Variants in FAM110B observed in about 807,000 individuals in gnomAD.
FAM110B encodes the protein protein FAM110B.
In FAM110B, 6 loss-of-function variants were observed where a neutral mutation model predicts 20.4. The observed-to-expected ratio is 0.29, with a 90% CI of 0.16 to 0.58. The LOEUF is 0.58. Among genes scored for constraint, FAM110B ranks in the 20% least tolerant of loss-of-function variants. The pLI, the probability that FAM110B is intolerant of heterozygous loss-of-function variation, is 0.90. For missense variants in FAM110B, 434 were observed against 498.2 expected (o/e 0.87, Z 1.23); for synonymous variants, 226 against 214.1 (o/e 1.06, Z -0.49).
intron 1 of FAM110B, among the ~76,000 whole-genome samples, chr8:58,029,816 G>C (rs1187168297): frequency 6.6e-6 from 1 of 152,150 alleles, no homozygotes; most frequent in East Asian, 1.9e-4. Flanking sequence ...GGATCGTTTT[G>C]ATTTCACATG....
chr8:58,104,491 T>C (rs1317405102), intron 3 of FAM110B, among the ~76,000 whole-genome samples: 2 of 152,188 alleles, frequency 1.3e-5, no homozygotes, highest in African/African-American at 4.8e-5. Flanking sequence ...ATAGTGATTG[T>C]AGATTTTTAT....
chr8:58,072,424 T>C (rs1805922620), intron 2 of FAM110B, among the ~76,000 whole-genome samples: 1 of 152,226 alleles, frequency 6.6e-6, no homozygotes. Context: ...TATTATGATA[T>C]CCCAAAGGGA....
At chr8:58,076,280 C>T (rs1222871616) in intron 3 of FAM110B, among the ~76,000 whole-genome samples, 5 of 152,070 alleles carry the variant, frequency 3.3e-5, no homozygotes, top group Admixed American at 1.3e-4. Flanking sequence ...TCTCTGTGCT[C>T]GGGGAATGAG....
At chr8:58,031,308 G>A (rs1288157329) in intron 1 of FAM110B, 2 of 152,208 alleles carry the variant, frequency 1.3e-5, no homozygotes, top group Non-Finnish European at 2.9e-5. Context: ...TTTCTGGGAT[G>A]TTGAGTATGA....
At position 58,112,252 on chromosome 8, in the gene FAM110B, C is replaced by A. The variant is rs1807075827; in HGVS notation, c.-324-33655C>A. 3.3e-5 allele frequency among the ~76,000 whole-genome samples: 5 copies of A among 152,290 alleles called. No individual in the cohort carries two copies. In the South Asian group the frequency reaches 1.0e-3, roughly 32 times the overall value. On this transcript the variant is annotated intron_variant, in intron 3 of 3. Coordinates refer to ENST00000519262, the MANE Select transcript of FAM110B (RefSeq NM_001377989.1). ...GCTGAGGCAGGAGAATCGCTTGAAC[C>A]CAGGAGGCGGAGGTTGCAGTGAGCC...
At chr8:58,117,737 T>C (rs1807251630) in intron 3 of FAM110B, among the ~76,000 whole-genome samples, 1 of 152,212 alleles carries the variant, frequency 6.6e-6, no homozygotes, top group South Asian at 2.1e-4. Context: ...GTAAGCACGG[T>C]CTGAGTGCTA....
chr8:58,106,448 C>T (rs539930680), intron 3 of FAM110B, among the ~76,000 whole-genome samples: 2 of 152,122 alleles, frequency 1.3e-5, no homozygotes, highest in East Asian at 1.9e-4. Context: ...AAGATGGAAA[C>T]ACAGCAGGGC....
chr8:58,076,773 C>T (rs1161240571), intron 3 of FAM110B, among the ~76,000 whole-genome samples: 1 of 152,200 alleles, frequency 6.6e-6, no homozygotes, highest in Non-Finnish European at 1.5e-5. Flanking sequence ...CTCAGGAGAA[C>T]AGAGCCTCAG....
Position 58,146,614 on chromosome 8 carries a change from C to G in FAM110B, c.384C>G (p.Ser128=), listed in dbSNP as rs138169488. The change falls in exon 4 of 4, where the codon TCC becomes TCG. Residue 128 remains serine, a synonymous_variant. Transcript: ENST00000519262. ...LEILKNIINS[S]EGSSSGSGHK... is the part of the protein sequence containing the mutation. ...TCCTGAAGAACATCATCAATAGCTC[C>G]GAGGGCTCTAGCTCGGGCTCGGGGC... is the stretch of plus-strand genomic sequence containing the variant. 2.0e-5 allele frequency: 33 copies of G among 1,613,874 alleles called. No individual in the cohort carries two copies. The highest frequency in any genetic ancestry group is 2.5e-5 in the Non-Finnish European group (30 of 1,179,934).
In FAM110B at chr8:58,139,246, CAAG is replaced by C. The variant is rs543875235; in HGVS notation, c.-324-6656_-324-6654del. ...ATTTATAACATGATAGTGTTGTTGT[CAAG>C]AAGATTATTTTACTTGCAATCCGGA... On this transcript the variant is annotated intron_variant, in intron 3 of 3. Coordinates refer to ENST00000519262, the MANE Select transcript of FAM110B (RefSeq NM_001377989.1). 1.5e-3 allele frequency among the ~76,000 whole-genome samples: 226 copies of C among 152,216 alleles called. 2 individuals carry two copies. The Middle Eastern group carries it at 0.017, about 12-fold the overall frequency.
intron 3 of FAM110B, among the ~76,000 whole-genome samples, chr8:58,145,485 G>A (rs1296041066): frequency 6.6e-6 from 1 of 152,186 alleles, no homozygotes; most frequent in African/African-American, 2.4e-5. Flanking sequence ...GTTGCAACCG[G>A]GGGGCATGGA....
rs548751179 is a variant in FAM110B at position 58,103,237 on chromosome 8, A to G, written c.-325+27614A>G. ...TGCACAGTGTGCAGGTTAGTTACAT[A>G]TGTATACATGTGCCATGCTGGTGTG... On this transcript the variant is annotated intron_variant, in intron 3 of 3. Coordinates refer to ENST00000519262, the MANE Select transcript of FAM110B (RefSeq NM_001377989.1). Among the ~76,000 whole-genome samples the G allele has an allele frequency of 4.6e-5, 7 of 151,998 alleles. No homozygotes were observed. The South Asian group carries it at 1.5e-3, about 32-fold the overall frequency.
chr8:58,106,481 A>G (rs1806921777), intron 3 of FAM110B, among the ~76,000 whole-genome samples: 2 of 152,236 alleles, frequency 1.3e-5, no homozygotes, highest in South Asian at 4.1e-4. Flanking sequence ...CAGTCAAATT[A>G]GAATCAAGCA....
chr8:58,109,892 G>A (rs549115273), intron 3 of FAM110B, among the ~76,000 whole-genome samples: 1 of 152,262 alleles, frequency 6.6e-6, no homozygotes, highest in African/African-American at 2.4e-5. Flanking sequence ...AGTTTATTGC[G>A]GGTTATTCAG....
At chr8:58,082,203 TGTGAAAATAA>T (rs1365632612) in intron 3 of FAM110B, among the ~76,000 whole-genome samples, 1 of 152,206 alleles carries the variant, frequency 6.6e-6, no homozygotes, top group Non-Finnish European at 1.5e-5. Context: ...AGGAAGCCTT[TGTGAAAATAA>T]AAATTTTCAT....
At chr8:58,127,022 A>AT (rs1034994600) in intron 3 of FAM110B, among the ~76,000 whole-genome samples, 23 of 152,302 alleles carry the variant, frequency 1.5e-4, no homozygotes, top group African/African-American at 5.1e-4. Context: ...TAATAATAAC[A>AT]TTTTTTTATT....
chr8:58,125,707 A>G (rs1807482882), intron 3 of FAM110B, among the ~76,000 whole-genome samples: 1 of 152,186 alleles, frequency 6.6e-6, no homozygotes, highest in African/African-American at 2.4e-5. Flanking sequence ...AAAATGTCTT[A>G]TGACCTGAGA....
chr8:58,105,556 ATTTTTTTTTTTT>A (rs71557704), intron 3 of FAM110B, among the ~76,000 whole-genome samples: 16 of 94,636 alleles, frequency 1.7e-4, no homozygotes, highest in African/African-American at 5.5e-4. Context: ...GAATGAATGA[ATTTTTTTTTTTT>A]TTTTTTTTTT....
At chr8:58,132,926 G>C (rs915270897) in intron 3 of FAM110B, among the ~76,000 whole-genome samples, 1 of 152,074 alleles carries the variant, frequency 6.6e-6, no homozygotes, top group African/African-American at 2.4e-5. Flanking sequence ...TTCACTTTGG[G>C]GAGTTATTTT....
Sources: gnomAD v4.1 joint callset for allele counts (sites outside exome capture counted in the v4.1 genomes callset) on GRCh38, gnomAD v4.1.1 for gene constraint, MANE v1.5 for transcripts, NCBI Gene and HGNC (gene_info 2026-07-23, HGNC 2026-07-21) for gene names.